The following LRRTM4 variants were observed in gnomAD, a reference collection of about 807,000 sequenced individuals.
LRRTM4 encodes the protein leucine rich repeat transmembrane neuronal 4.
A neutral mutation model predicts 47.6 loss-of-function variants in LRRTM4; 25 were observed. That is an observed-to-expected ratio of 0.53 (90% CI 0.38 to 0.73). The LOEUF (loss-of-function observed/expected upper bound fraction) is 0.73. Ranked by LOEUF, LRRTM4 falls within the 30% of genes least tolerant of loss-of-function variation. The probability of loss-of-function intolerance (pLI) is 0.00; values close to 1 mark genes in which losing one functional copy is unlikely to be tolerated. For missense variants in LRRTM4, 638 were observed against 713.4 expected, an observed-to-expected ratio of 0.89 and a Z score of 1.20; for synonymous variants, 311 against 269.5, an observed-to-expected ratio of 1.15 and a Z score of -1.51.
intron 3 of LRRTM4, among the ~76,000 whole-genome samples, chr2:76,990,197 GA>G (rs1676954193): frequency 6.6e-6 from 1 of 151,686 alleles, no homozygotes. Flanking sequence ...TTCCACCTAT[GA>G]AAAAGTAGAC....
intron 3 of LRRTM4, among the ~76,000 whole-genome samples, chr2:76,973,921 A>G (rs1416573406): frequency 6.6e-6 from 1 of 151,716 alleles, no homozygotes; most frequent in Non-Finnish European, 1.5e-5. Flanking sequence ...TTTCTTAAAT[A>G]AAGGATCAAT....
chr2:76,856,839 A>T (rs1462465356), intron 3 of LRRTM4, among the ~76,000 whole-genome samples: 6 of 152,132 alleles, frequency 3.9e-5, no homozygotes, highest in African/African-American at 1.4e-4. Flanking sequence ...GAATATTGGT[A>T]ATATTTTGTG....
At chr2:77,488,261 C>A (rs1678004260) in intron 3 of LRRTM4, among the ~76,000 whole-genome samples, 1 of 152,210 alleles carries the variant, frequency 6.6e-6, no homozygotes, top group Non-Finnish European at 1.5e-5. Context: ...TGCGGTACAT[C>A]TGGTCCAACC....
At position 77,090,172 on chromosome 2, in the gene LRRTM4, C is replaced by T. The variant is rs1012656204; in HGVS notation, c.1552-341256G>A. ...CCTGGTCTGGCTTACAGTTTCGTTC[C>T]GTGACTAGCCCTCCCCGTCCTGCCC... On this transcript the variant is annotated intron_variant, in intron 3 of 3. Transcript: ENST00000409884. Among the ~76,000 whole-genome samples, 4 of 152,252 alleles carry T rather than the reference C, an allele frequency of 2.6e-5. No homozygotes were observed. The South Asian group carries it at 6.2e-4, about 24-fold the overall frequency.
At chr2:77,421,514 T>C (rs1397458728) in intron 3 of LRRTM4, among the ~76,000 whole-genome samples, 5 of 152,118 alleles carry the variant, frequency 3.3e-5, no homozygotes, top group South Asian at 2.1e-4. Flanking sequence ...GAGACCATCC[T>C]GGCTAACACG....
intron 3 of LRRTM4, among the ~76,000 whole-genome samples, chr2:76,786,402 T>A (rs544182029): frequency 1.6e-3 from 245 of 152,178 alleles, no homozygotes; most frequent in African/African-American, 4.7e-3. Context: ...CTCCTAACAT[T>A]TTTTTAACAG....
At chr2:76,863,025 G>T (rs1159191348) in intron 3 of LRRTM4, among the ~76,000 whole-genome samples, 1 of 152,166 alleles carries the variant, frequency 6.6e-6, no homozygotes, top group Non-Finnish European at 1.5e-5. Flanking sequence ...CACCACACCA[G>T]AATTCAAAAT....
intron 3 of LRRTM4, among the ~76,000 whole-genome samples, chr2:77,194,213 TAAAG>T (rs1291350450): frequency 6.6e-6 from 1 of 152,004 alleles, no homozygotes; most frequent in Non-Finnish European, 1.5e-5. Context: ...GAGAAGAAAA[TAAAG>T]AAAACTGGGT....
At chr2:77,343,801 G>A (rs1396599792) in intron 3 of LRRTM4, among the ~76,000 whole-genome samples, 1 of 151,862 alleles carries the variant, frequency 6.6e-6, no homozygotes, top group East Asian at 1.9e-4. Context: ...AAATAGATAA[G>A]AGATTGTGAT....
chr2:76,962,080 T>A (rs1382083914), intron 3 of LRRTM4, among the ~76,000 whole-genome samples: 1 of 151,248 alleles, frequency 6.6e-6, no homozygotes, highest in Admixed American at 6.6e-5. Flanking sequence ...TTATAGAGTC[T>A]CTACTGTAAC....
chr2:77,062,772 A>G (rs918017159), intron 3 of LRRTM4, among the ~76,000 whole-genome samples: 1 of 152,058 alleles, frequency 6.6e-6, no homozygotes, highest in Admixed American at 6.5e-5. Flanking sequence ...ATGGATCTCC[A>G]AAGTTTAATC....
At chr2:77,059,857 A>T (rs1485435564) in intron 3 of LRRTM4, among the ~76,000 whole-genome samples, 1 of 152,202 alleles carries the variant, frequency 6.6e-6, no homozygotes, top group East Asian at 1.9e-4. Flanking sequence ...TACCTGAAAT[A>T]ATATCTCCAA....
chr2:77,066,794 TAAAG>T (rs1679970140), intron 3 of LRRTM4, among the ~76,000 whole-genome samples: 1 of 152,190 alleles, frequency 6.6e-6, no homozygotes. Flanking sequence ...AAACAGAAAT[TAAAG>T]AAGATGTGAC....
Position 77,107,992 on chromosome 2 carries a change from T to C in LRRTM4, c.1552-359076A>G, listed in dbSNP as rs577332769. On this transcript the variant is annotated intron_variant, in intron 3 of 3. Transcript: ENST00000409884. ...GATGAAGTTTTGCTCAGAACAATGT[T>C]CATGGCTGTGGAAGTATTTACATTT... Among the ~76,000 whole-genome samples the C allele has an allele frequency of 1.3e-3, 195 of 152,208 alleles. 2 individuals are homozygous for C. The South Asian group carries it at 0.019, about 15-fold the overall frequency.
chr2:76,922,714 T>A (rs976943989), intron 3 of LRRTM4, among the ~76,000 whole-genome samples: 3 of 152,042 alleles, frequency 2.0e-5, no homozygotes, highest in Non-Finnish European at 4.4e-5. Context: ...GCATGGGTGC[T>A]ACAACTAATA....
chr2:76,780,628 C>G (rs138457591), intron 3 of LRRTM4, among the ~76,000 whole-genome samples: 2,338 of 152,236 alleles, frequency 0.015, 65 homozygotes, highest in African/African-American at 0.054. Context: ...TTAAGCACTT[C>G]TCTGTATTGG....
At chr2:77,090,729 C>T (rs933722456) in intron 3 of LRRTM4, among the ~76,000 whole-genome samples, 9 of 152,156 alleles carry the variant, frequency 5.9e-5, no homozygotes, top group Non-Finnish European at 7.4e-5. Context: ...CCCATTTGTG[C>T]CAGACCCCAC....
chr2:76,878,478 T>C, intron 3 of LRRTM4, among the ~76,000 whole-genome samples: 1 of 152,054 alleles, frequency 6.6e-6, no homozygotes, highest in East Asian at 1.9e-4. Context: ...AAGGTAGGCC[T>C]TTTGTGCCAC....
intron 3 of LRRTM4, among the ~76,000 whole-genome samples, chr2:77,268,768 G>A (rs965246845): frequency 3.3e-5 from 5 of 152,084 alleles, no homozygotes; most frequent in Non-Finnish European, 7.4e-5. Flanking sequence ...TGAATCACTC[G>A]TATCCATAGT....
Sources: gnomAD v4.1 joint callset for allele counts (sites outside exome capture counted in the v4.1 genomes callset) on GRCh38, gnomAD v4.1.1 for gene constraint, MANE v1.5 for transcripts, NCBI Gene and HGNC (gene_info 2026-07-23, HGNC 2026-07-21) for gene names.